GPN3: variants seen among roughly 807,000 people sequenced by gnomAD.
The protein encoded by GPN3 is GPN-loop GTPase 3.
A neutral mutation model predicts 38.7 loss-of-function variants in GPN3; 31 were observed. The observed-to-expected ratio is 0.80, with a 90% CI of 0.60 to 1.08. GPN3 has a LOEUF of 1.08. GPN3 is among the 50% of genes least tolerant of loss of function. The pLI is 0.00. For missense variants in GPN3, 301 were observed against 354.4 expected (o/e 0.85, Z 1.21); for synonymous variants, 116 against 120.2 (o/e 0.96, Z 0.23).
rs981018747 is a variant in GPN3, at chr12:110,466,507, C to CT, written c.49-1294dup. ...CCTCTCCATACATCACACACTGTAT[C>CT]TTTTTTTTTTTTGCAAAGGGTCTCA... On this transcript the variant is annotated intron_variant, in intron 1 of 7. Coordinates refer to ENST00000228827, the MANE Select transcript of GPN3 (RefSeq NM_016301.4). 6.8e-3 allele frequency among the ~76,000 whole-genome samples: 1,000 copies of CT among 146,252 alleles called. 8 individuals carry two copies. The highest frequency in any genetic ancestry group is 0.021 in the African/African-American group (856 of 40,164).
At chr12:110,461,350 G>A (rs1049828145) in intron 2 of GPN3, 5 of 660,996 alleles carry the variant, frequency 7.6e-6, no homozygotes, top group East Asian at 6.3e-5. Flanking sequence ...AGACAATGTC[G>A]ATGAGAACTA....
rs758219321 is a variant in GPN3 at position 110,459,869 on chromosome 12, A to G, written c.158-7T>C. On this transcript the variant is annotated splice_region_variant and splice_polypyrimidine_tract_variant and intron_variant, in intron 2 of 7. Coordinates refer to ENST00000228827, the MANE Select transcript of GPN3 (RefSeq NM_016301.4). ...TCGATCAGTTCCCGGATGTCTGAAAAGGACAGATAGGGCCCAGAATATATG... is the reference window on the plus strand; with the variant it reads ...TCGATCAGTTCCCGGATGTCTGAAAGGGACAGATAGGGCCCAGAATATATG... 6.2e-7 allele frequency: 1 copy of G among 1,611,668 alleles called. No individual in the cohort carries two copies. The highest frequency in any genetic ancestry group is 1.7e-5 in the Admixed American group (1 of 59,978).
At chr12:110,453,922 C>G in intron 6 of GPN3, 51 bp from the exon 7 acceptor site, 1 of 1,431,892 alleles carries the variant, frequency 7.0e-7, no homozygotes, top group African/African-American at 1.4e-5. Context: ...GTGCAAAATA[C>G]ATAATTTTCA....
At chr12:110,457,361 A>C in intron 4 of GPN3, 149 bp downstream of exon 4, 1 of 481,896 alleles carries the variant, frequency 2.1e-6, no homozygotes, top group Non-Finnish European at 3.4e-6. Context: ...GCTGAGGCAC[A>C]AGAATCACTT....
chr12:110,463,069 T>A (rs947296591), intron 2 of GPN3, among the ~76,000 whole-genome samples: 1 of 152,210 alleles, frequency 6.6e-6, no homozygotes, highest in African/African-American at 2.4e-5. Flanking sequence ...CAGGTTGTAC[T>A]TCTACTCTCA....
chr12:110,459,250 T>TG (rs1230745092), intron 3 of GPN3, among the ~76,000 whole-genome samples: 20 of 151,832 alleles, frequency 1.3e-4, no homozygotes, highest in African/African-American at 4.6e-4. Context: ...GTTTTTTTTT[T>TG]TTGTTTTTGA....
intron 4 of GPN3, 88 bp downstream of exon 4, chr12:110,457,422 A>T: frequency 8.7e-7 from 1 of 1,153,502 alleles, no homozygotes; most frequent in South Asian, 1.9e-5. Flanking sequence ...ACTGCGCTCC[A>T]GCCTAGGCAA....
intron 6 of GPN3, 141 bp from the exon 7 acceptor site, chr12:110,454,012 T>C (rs1487493664): frequency 6.6e-6 from 4 of 603,506 alleles, no homozygotes; most frequent in Admixed American, 6.4e-5. Context: ...GGAGAAGGGA[T>C]AGCTAGACAC....
intron 2 of GPN3, among the ~76,000 whole-genome samples, chr12:110,462,651 G>C (rs1227287600): frequency 6.6e-6 from 1 of 152,098 alleles, no homozygotes; most frequent in Non-Finnish European, 1.5e-5. Context: ...GCAATGGTAC[G>C]ATCTCGGCTC....
chr12:110,468,441 G>C, upstream of GPN3: 1 of 1,535,050 alleles, frequency 6.5e-7, no homozygotes, highest in Non-Finnish European at 8.7e-7. Context: ...GATGGAAATC[G>C]GCCGTTGGGA....
At chr12:110,460,450 A>T (rs896024663) in intron 2 of GPN3, among the ~76,000 whole-genome samples, 3 of 152,192 alleles carry the variant, frequency 2.0e-5, no homozygotes. Flanking sequence ...ATTTCTTAAC[A>T]CAATGACACT....
intron 2 of GPN3, among the ~76,000 whole-genome samples, 156 bp from the exon 3 acceptor site, chr12:110,460,018 A>G (rs1001685093): frequency 6.6e-6 from 1 of 152,244 alleles, no homozygotes; most frequent in Non-Finnish European, 1.5e-5. Flanking sequence ...GTCCATCAAT[A>G]GAGAACTGAG....
intron 2 of GPN3, chr12:110,461,496 A>C (rs1247764441): frequency 1.2e-4 from 62 of 498,268 alleles, no homozygotes; most frequent in South Asian, 3.2e-4. Context: ...GCTGCTCGGG[A>C]GGCTGAGGCA....
rs950864532 is a variant in GPN3 at position 110,459,739 on chromosome 12, C to T, written c.281G>A (p.Cys94Tyr). 5 of 1,613,122 alleles carry T rather than the reference C, an allele frequency of 3.1e-6. No homozygotes were observed. Among genetic ancestry groups the T allele is most frequent in the Non-Finnish European group, 1.7e-6 (2 of 1,179,156 alleles). ...FANNFDWLEN[C>Y]LGHVEDDYIL... Reference sequence around the variant, plus strand: ...ATAGTCGTCCTCTACATGGCCAAGACAGTTCTCCAGCCAGTCAAAATTATT... The same window carrying T: ...ATAGTCGTCCTCTACATGGCCAAGATAGTTCTCCAGCCAGTCAAAATTATT... The change falls in exon 3 of 8, where the codon TGT becomes TAT. Residue 94 changes from cysteine (C) to tyrosine (Y), a missense_variant. Physicochemically the swap from Cys to Tyr is radical, Grantham distance 194 (BLOSUM62 -2). Coordinates refer to ENST00000228827, the MANE Select transcript of GPN3 (RefSeq NM_016301.4).
chr12:110,453,879 T>A lies in GPN3; in HGVS notation c.664-8A>T. ...CATGCTGTAGTCATCAATCTACAAG[T>A]TGTGGATTTCAAGAAAAGTTCATTC... On this transcript the variant is annotated splice_region_variant and splice_polypyrimidine_tract_variant and intron_variant, in intron 6 of 7. Coordinates refer to ENST00000228827, the MANE Select transcript of GPN3 (RefSeq NM_016301.4). 1 of 1,593,610 alleles carries A rather than the reference T, an allele frequency of 6.3e-7. No individual in the cohort carries two copies. The highest frequency in any genetic ancestry group is 8.5e-7 in the Non-Finnish European group (1 of 1,169,736).
chr12:110,467,866 C>A (rs192359032), intron 1 of GPN3, among the ~76,000 whole-genome samples: 1 of 152,028 alleles, frequency 6.6e-6, no homozygotes, highest in Admixed American at 6.6e-5. Context: ...TTCTGTATCT[C>A]GTTTTCTGTA....
At chr12:110,466,592 C>A (rs572207158) in intron 1 of GPN3, among the ~76,000 whole-genome samples, 8 of 151,336 alleles carry the variant, frequency 5.3e-5, no homozygotes, top group African/African-American at 1.7e-4. Flanking sequence ...TTGACCCAGG[C>A]TCAAGCGATT....
In GPN3 at chr12:110,459,772, T is replaced by C. The variant is rs369313029; in HGVS notation, c.248A>G (p.Tyr83Cys). Residue 83 changes from tyrosine to cysteine, a missense_variant, in exon 3 of 8, where the codon TAC (tyrosine) becomes TGC (cysteine). Transcript: ENST00000228827. ...PNGGLVFCME[Y>C]FANNFDWLEN... Reference sequence around the variant, plus strand: ...CAGCCAGTCAAAATTATTGGCAAAGTACTCCATGCAAAATACCAATCCTCC... The same window carrying C: ...CAGCCAGTCAAAATTATTGGCAAAGCACTCCATGCAAAATACCAATCCTCC... The C allele has an allele frequency of 1.2e-6, 2 of 1,612,386 alleles. No homozygotes were observed. Among genetic ancestry groups the C allele is most frequent in the African/African-American group, 1.3e-5 (1 of 74,906 alleles).
chr12:110,467,345 G>A (rs1200252028), intron 1 of GPN3, among the ~76,000 whole-genome samples: 1 of 152,010 alleles, frequency 6.6e-6, no homozygotes, highest in Admixed American at 6.6e-5. Flanking sequence ...CACTGTATTT[G>A]AATGTTCCTA....
Sources: gnomAD v4.1 joint callset for allele counts (sites outside exome capture counted in the v4.1 genomes callset) on GRCh38, gnomAD v4.1.1 for gene constraint, MANE v1.5 for transcripts, NCBI Gene and HGNC (gene_info 2026-07-23, HGNC 2026-07-21) for gene names.